KDELR2: variants seen among roughly 807,000 people sequenced by gnomAD.
KDELR2 encodes ER lumen protein-retaining receptor 2.
A neutral mutation model predicts 23.9 loss-of-function variants in KDELR2; 15 were observed. That is an observed-to-expected ratio of 0.63 (90% CI 0.42 to 0.97). The LOEUF (loss-of-function observed/expected upper bound fraction) is 0.97. Ranked by LOEUF, KDELR2 falls within the 50% of genes least tolerant of loss-of-function variation. The pLI, the probability that KDELR2 is intolerant of heterozygous loss-of-function variation, is 0.00. For synonymous variants in KDELR2, 119 were observed against 106.2 expected, an observed-to-expected ratio of 1.12 and a Z score of -0.74; for missense variants, 272 against 254.6, an observed-to-expected ratio of 1.07 and a Z score of -0.46.
At chr7:6,471,704 T>C (rs1349425638) in intron 2 of KDELR2, among the ~76,000 whole-genome samples, 1 of 152,188 alleles carries the variant, frequency 6.6e-6, no homozygotes, top group Non-Finnish European at 1.5e-5. Flanking sequence ...CTGCGTCCAT[T>C]GGTGGTCCAT....
chr7:6,465,374 C>T (rs1417290400), intron 4 of KDELR2, among the ~76,000 whole-genome samples: 14 of 151,212 alleles, frequency 9.3e-5, no homozygotes, highest in African/African-American at 1.7e-4. Context: ...TTAGTAGAGA[C>T]GGGGTTTCAC....
At chr7:6,474,818 C>G (rs1391257326) in intron 1 of KDELR2, among the ~76,000 whole-genome samples, 2 of 152,118 alleles carry the variant, frequency 1.3e-5, no homozygotes, top group Non-Finnish European at 2.9e-5. Flanking sequence ...TGTGAACTAC[C>G]ACACCCAGCT....
In KDELR2 at chr7:6,461,942, C is replaced by G. The variant is rs759535426; in HGVS notation, c.*1199G>C. ...TGAACTTTAAATGTCTGCAGCCCTACAGAGCTTTTGTTGCCAATTGAAAAA... is the reference window on the plus strand; with the variant it reads ...TGAACTTTAAATGTCTGCAGCCCTAGAGAGCTTTTGTTGCCAATTGAAAAA... On this transcript the variant is annotated 3_prime_UTR_variant, in exon 5 of 5. Transcript: ENST00000258739. The G allele has an allele frequency of 6.6e-6, 1 of 152,128 alleles. No individual in the cohort carries two copies. Among genetic ancestry groups the G allele is most frequent in the Non-Finnish European group, 1.5e-5 (1 of 68,026 alleles). The allele number at this position is 152,128 out of a possible 1,614,324, so 9.4% of individuals were successfully genotyped here. A position where few individuals can be genotyped will look rare whatever the true frequency, so the allele number is the denominator to read the frequency against.
chr7:6,463,812 G>T (rs1330074871), intron 4 of KDELR2, among the ~76,000 whole-genome samples: 1 of 151,422 alleles, frequency 6.6e-6, no homozygotes, highest in Non-Finnish European at 1.5e-5. Flanking sequence ...TATACTTCCG[G>T]CACTGTGGGA....
chr7:6,483,106 G>C (rs1785940484), intron 1 of KDELR2, among the ~76,000 whole-genome samples: 2 of 152,134 alleles, frequency 1.3e-5, no homozygotes, highest in Non-Finnish European at 2.9e-5. Context: ...TCGTTTCACT[G>C]CCGCCTAGCA....
intron 2 of KDELR2, among the ~76,000 whole-genome samples, chr7:6,471,790 T>TA (rs1411316886): frequency 6.6e-6 from 1 of 152,200 alleles, no homozygotes; most frequent in Non-Finnish European, 1.5e-5. Flanking sequence ...GGACAGTGGA[T>TA]AAAGCTGCTG....
intron 4 of KDELR2, 112 bp from the exon 5 acceptor site, chr7:6,463,287 G>A (rs1785427067): frequency 2.5e-6 from 2 of 786,292 alleles, no homozygotes; most frequent in Admixed American, 2.7e-5. Context: ...ACATAGTAAG[G>A]TATAGGAAAT....
chr7:6,467,981 A>T (rs1233033153), intron 3 of KDELR2, among the ~76,000 whole-genome samples: 1 of 152,240 alleles, frequency 6.6e-6, no homozygotes, highest in Non-Finnish European at 1.5e-5. Context: ...GGTCACAGAC[A>T]CGACATCAGT....
At chr7:6,483,191 G>A (rs966959263) in intron 1 of KDELR2, among the ~76,000 whole-genome samples, 2 of 152,148 alleles carry the variant, frequency 1.3e-5, no homozygotes, top group South Asian at 2.1e-4. Context: ...CGAATTGCAG[G>A]AGCCCATAGG....
At chr7:6,482,398 T>G (rs1182910493) in intron 1 of KDELR2, 1 of 308,410 alleles carries the variant, frequency 3.2e-6, no homozygotes, top group Non-Finnish European at 6.9e-6. Context: ...TTACCCAAAC[T>G]GCAGCAGTTA....
At chr7:6,482,376 C>A in intron 1 of KDELR2, 1 of 290,008 alleles carries the variant, frequency 3.4e-6, no homozygotes, top group South Asian at 3.0e-5. Flanking sequence ...ACAGCAAGTG[C>A]CTAAACATCA....
intron 2 of KDELR2, among the ~76,000 whole-genome samples, chr7:6,473,715 G>A (rs1252612828): frequency 6.6e-6 from 1 of 152,156 alleles, no homozygotes; most frequent in Non-Finnish European, 1.5e-5. Flanking sequence ...AACTGACTCA[G>A]TGGCAAAGAA....
chr7:6,473,707 C>A (rs1407854267), intron 2 of KDELR2, among the ~76,000 whole-genome samples: 1 of 152,138 alleles, frequency 6.6e-6, no homozygotes, highest in Non-Finnish European at 1.5e-5. Flanking sequence ...TTAAGTAAAA[C>A]TGACTCAGTG....
Position 6,466,286 on chromosome 7 carries a change from G to C in KDELR2, c.389C>G (p.Ala130Gly), listed in dbSNP as rs988367104. ...GATCATAAATAGCTGCGGAAGGATA[G>C]CCACGGACTCCAGGTAGATGGAGAA... is the stretch of plus-strand genomic sequence containing the variant. ...WTFSIYLESV[A>G]ILPQLFMISK... is the part of the protein sequence containing the mutation. Residue 130 changes from alanine to glycine, a missense_variant, in exon 4 of 5, where the codon GCT (alanine) becomes GGT (glycine). Coordinates refer to ENST00000258739, the MANE Select transcript of KDELR2 (RefSeq NM_006854.4). 1.9e-6 allele frequency: 3 copies of C among 1,613,906 alleles called. No individual in the cohort carries two copies. Among genetic ancestry groups the C allele is most frequent in the African/African-American group, 1.3e-5 (1 of 74,866 alleles).
At chr7:6,468,821 T>TAG (rs1178657380) in intron 3 of KDELR2, among the ~76,000 whole-genome samples, 1 of 151,964 alleles carries the variant, frequency 6.6e-6, no homozygotes, top group Non-Finnish European at 1.5e-5. Context: ...GTATTTCTAA[T>TAG]AGAGACAGGG....
At chr7:6,475,124 T>A (rs940191287) in intron 1 of KDELR2, among the ~76,000 whole-genome samples, 1 of 152,124 alleles carries the variant, frequency 6.6e-6, no homozygotes, top group Non-Finnish European at 1.5e-5. Context: ...AGAGCGGCAA[T>A]TACTTGGATA....
rs1297574659 is a variant in KDELR2 at position 6,474,260 on chromosome 7, AG to A, written c.115del (p.Leu39CysfsTer25). The A allele has an allele frequency of 2.5e-6, 4 of 1,613,694 alleles. No individual in the cohort carries two copies. The highest frequency in any genetic ancestry group is 2.5e-6 in the Non-Finnish European group (3 of 1,179,692). On this transcript the variant is annotated frameshift_variant, in exon 2 of 5. Coordinates refer to ENST00000258739, the MANE Select transcript of KDELR2 (RefSeq NM_006854.4). LOFTEE classifies it high-confidence loss of function. ...CAGISGKSQL[L>X]FALVFTTRYL... ...ACGAGTTGTGAAGACCAGTGCAAACAGAAGCTGGCTTTTCCCAGAAATACCT... is the reference window on the plus strand; with the variant it reads ...ACGAGTTGTGAAGACCAGTGCAAACAAAGCTGGCTTTTCCCAGAAATACCT...
chr7:6,476,504 T>C (rs1785755302), intron 1 of KDELR2, among the ~76,000 whole-genome samples: 1 of 152,206 alleles, frequency 6.6e-6, no homozygotes, highest in African/African-American at 2.4e-5. Flanking sequence ...TTATTTCCTA[T>C]ATGGTTCTTT....
At position 6,484,066 on chromosome 7, in the gene KDELR2, CG is replaced by C. The variant is rs1310395860; in HGVS notation, c.-10del. 1 of 1,484,804 alleles carries C rather than the reference CG, an allele frequency of 6.7e-7. No individual in the cohort carries two copies. Among genetic ancestry groups the C allele is most frequent in the Admixed American group, 2.2e-5 (1 of 45,488 alleles). The allele number at this position is 1,484,804 out of a possible 1,614,324, so 92.0% of individuals were successfully genotyped here. A position where few individuals can be genotyped will look rare whatever the true frequency, so the allele number is the denominator to read the frequency against. ...AGCCGGAAAATGTTCATGGCGGCGG[CG>C]GCGGTGGCGGTCGGCGCAGCGCGGC... On this transcript the variant is annotated 5_prime_UTR_variant, in exon 1 of 5. Transcript: ENST00000258739.
Sources: gnomAD v4.1 joint callset for allele counts (sites outside exome capture counted in the v4.1 genomes callset) on GRCh38, gnomAD v4.1.1 for gene constraint, MANE v1.5 for transcripts, NCBI Gene and HGNC (gene_info 2026-07-23, HGNC 2026-07-21) for gene names.